The following GUCY1B1 variants were observed in gnomAD, a reference collection of about 807,000 sequenced individuals.
GUCY1B1 encodes the protein guanylate cyclase soluble subunit beta-1.
GUCY1B1 carries 43 observed loss-of-function variants against 71.0 expected under a neutral mutation model. The ratio of observed to expected loss-of-function variants is 0.61; its 90% CI spans 0.47 to 0.78. The LOEUF (loss-of-function observed/expected upper bound fraction) is 0.78. GUCY1B1 is among the 30% of genes least tolerant of loss of function. GUCY1B1 has a pLI of 0.00. For synonymous variants in GUCY1B1, 266 were observed against 259.7 expected, an observed-to-expected ratio of 1.02 and a Z score of -0.23; for missense variants, 535 against 754.1, an observed-to-expected ratio of 0.71 and a Z score of 3.40.
rs542487122 is a variant in GUCY1B1, at chr4:155,806,309, A to G, written c.1837-77A>G. 9 of 902,652 alleles carry G rather than the reference A, an allele frequency of 1.0e-5. No individual in the cohort carries two copies. In the African/African-American group the frequency reaches 1.5e-4, roughly 15 times the overall value. 55.9% of individuals were successfully genotyped at this position (902,652 alleles called of 1,614,324 possible). ...GAACGTGGATCACACTCTCATAAAG[A>G]GAAAAATATATTTAATTGATATTAT... On this transcript the variant is annotated intron_variant, in intron 13 of 13. Coordinates refer to ENST00000264424, the MANE Select transcript of GUCY1B1 (RefSeq NM_000857.5).
chr4:155,795,439 T>A lies in GUCY1B1; in HGVS notation c.825T>A (p.Val275=), dbSNP rs1439537079. ...FHGILSHINT[V]FVLRSKEGLL... ...GGATCCTTTCTCACATCAATACTGT[T>A]TTTGTATTGAGAAGCAAGGTAATCA... is the stretch of plus-strand genomic sequence containing the variant. Residue 275 remains valine, a synonymous_variant, in exon 7 of 14, where the codon GTT becomes GTA. Coordinates refer to ENST00000264424, the MANE Select transcript of GUCY1B1 (RefSeq NM_000857.5). 1 of 1,503,872 alleles carries A rather than the reference T, an allele frequency of 6.6e-7. No individual in the cohort carries two copies. The highest frequency in any genetic ancestry group is 1.1e-5 in the South Asian group (1 of 88,364). 93.2% of individuals were successfully genotyped at this position (1,503,872 alleles called of 1,614,324 possible).
chr4:155,801,107 A>G, intron 9 of GUCY1B1, among the ~76,000 whole-genome samples: 1 of 152,204 alleles, frequency 6.6e-6, no homozygotes, highest in East Asian at 1.9e-4. Context: ...CTAAATTGTC[A>G]GCTTAAGCAG....
rs186785458 is a variant in GUCY1B1, at chr4:155,791,848, T to C, written c.495+1937T>C. On this transcript the variant is annotated intron_variant, in intron 5 of 13. Transcript: ENST00000264424. ...TTGTATGCACTGTTGGTTTTATTTTTATTTAACCAGACTGAGAAAGAGGTA... is the reference window on the plus strand; with the variant it reads ...TTGTATGCACTGTTGGTTTTATTTTCATTTAACCAGACTGAGAAAGAGGTA... Among the ~76,000 whole-genome samples the C allele has an allele frequency of 4.9e-3, 752 of 152,206 alleles. 6 individuals carry two copies. Among genetic ancestry groups the C allele is most frequent in the Non-Finnish European group, 5.9e-3 (404 of 68,006 alleles).
At chr4:155,759,220 A>G in intron 1 of GUCY1B1, 77 bp downstream of exon 1, 2 of 1,442,418 alleles carry the variant, frequency 1.4e-6, no homozygotes, top group Non-Finnish European at 1.9e-6. Context: ...CTGGCCGCGC[A>G]GCCGGAGCTT....
intron 10 of GUCY1B1, 61 bp from the exon 11 acceptor site, chr4:155,803,563 G>A (rs1740101317): frequency 3.4e-6 from 4 of 1,177,314 alleles, no homozygotes; most frequent in Non-Finnish European, 4.5e-6. Context: ...TTTTGTTAGG[G>A]TAATAAATGA....
chr4:155,759,679 G>A, intron 1 of GUCY1B1, 108 bp from the exon 2 acceptor site: 1 of 734,200 alleles, frequency 1.4e-6, no homozygotes, highest in Non-Finnish European at 2.3e-6. Flanking sequence ...CAGGGGCGGG[G>A]TGAAAGGTTA....
intron 3 of GUCY1B1, among the ~76,000 whole-genome samples, chr4:155,775,736 T>G (rs1737999887): frequency 6.6e-6 from 1 of 152,246 alleles, no homozygotes; most frequent in Non-Finnish European, 1.5e-5. Flanking sequence ...ATCTCTTTTG[T>G]AGTCACAAGT....
intron 5 of GUCY1B1, among the ~76,000 whole-genome samples, chr4:155,791,349 T>A (rs2111116916): frequency 6.7e-6 from 1 of 149,434 alleles, no homozygotes; most frequent in African/African-American, 2.5e-5. Flanking sequence ...TCTCCTGACC[T>A]CATGATCCGC....
At chr4:155,770,799 G>C (rs1737644618) in intron 2 of GUCY1B1, among the ~76,000 whole-genome samples, 1 of 132,786 alleles carries the variant, frequency 7.5e-6, no homozygotes, top group African/African-American at 2.8e-5. Context: ...AGCCTACCAT[G>C]AACACCTATG....
Position 155,805,210 on chromosome 4 carries a change from G to T in GUCY1B1, c.1817G>T (p.Arg606Ile). ...CCAATGCAAGTTTGGTTTCTATCCA[G>T]AAAAAATACAGGAACAGAGGTATGA... ...KEPMQVWFLSRKNTGTEETKQ... is the reference protein window; with the variant it reads ...KEPMQVWFLSIKNTGTEETKQ... The change falls in exon 13 of 14, where the codon AGA (arginine) becomes ATA (isoleucine). Residue 606 changes from arginine to isoleucine, a missense_variant. By Grantham distance (97) the Arg-to-Ile change is moderately conservative (BLOSUM62 -3). Coordinates refer to ENST00000264424, the MANE Select transcript of GUCY1B1 (RefSeq NM_000857.5). 1 of 1,610,106 alleles carries T rather than the reference G, an allele frequency of 6.2e-7. No individual in the cohort carries two copies. Among genetic ancestry groups the T allele is most frequent in the Non-Finnish European group, 8.5e-7 (1 of 1,177,776 alleles).
intron 5 of GUCY1B1, 80 bp from the exon 6 acceptor site, chr4:155,793,776 A>T: frequency 2.9e-6 from 2 of 684,264 alleles, no homozygotes. Flanking sequence ...TGCAGTATTC[A>T]TAACTCATTT....
At chr4:155,771,756 C>T (rs1480582495) in intron 2 of GUCY1B1, among the ~76,000 whole-genome samples, 1 of 152,098 alleles carries the variant, frequency 6.6e-6, no homozygotes, top group Non-Finnish European at 1.5e-5. Context: ...ATATTCATAA[C>T]ATTTTTTATA....
intron 9 of GUCY1B1, 93 bp downstream of exon 9, chr4:155,800,167 G>T: frequency 1.4e-6 from 1 of 728,990 alleles, no homozygotes. Context: ...AAAGCCATGT[G>T]ACCTGTAATA....
At chr4:155,774,122 C>T (rs779452753) in intron 2 of GUCY1B1, among the ~76,000 whole-genome samples, 6 of 152,202 alleles carry the variant, frequency 3.9e-5, no homozygotes, top group Admixed American at 6.5e-5. Flanking sequence ...TATCACCACT[C>T]ATGTCACAAG....
At chr4:155,782,209 G>A (rs1738479126) in intron 4 of GUCY1B1, among the ~76,000 whole-genome samples, 1 of 152,092 alleles carries the variant, frequency 6.6e-6, no homozygotes. Context: ...CCGAGTAGCT[G>A]GGACTACAGG....
intron 13 of GUCY1B1, among the ~76,000 whole-genome samples, chr4:155,805,584 T>C (rs1007623247): frequency 6.6e-6 from 1 of 152,106 alleles, no homozygotes; most frequent in Non-Finnish European, 1.5e-5. Flanking sequence ...GCTCTCTAAG[T>C]TGGCTCTGAG....
chr4:155,805,081 C>G (rs775531215), intron 12 of GUCY1B1, 22 bp from the exon 13 acceptor site: 1 of 1,603,870 alleles, frequency 6.2e-7, no homozygotes. Context: ...TCTCTCTCTA[C>G]TCCCCTTCCC....
chr4:155,798,698 C>A (rs1209208491), intron 8 of GUCY1B1, among the ~76,000 whole-genome samples: 1 of 152,026 alleles, frequency 6.6e-6, no homozygotes, highest in Non-Finnish European at 1.5e-5. Flanking sequence ...TTATTAATCC[C>A]AGATTCTCCA....
intron 6 of GUCY1B1, among the ~76,000 whole-genome samples, 169 bp downstream of exon 6, chr4:155,794,255 C>A (rs1739387410): frequency 6.6e-6 from 1 of 152,102 alleles, no homozygotes; most frequent in Non-Finnish European, 1.5e-5. Context: ...TTTGAGCATA[C>A]CACAACTTTC....
Sources: allele counts gnomAD v4.1 joint callset (sites outside exome capture counted in the v4.1 genomes callset), GRCh38; gene constraint gnomAD v4.1.1; transcripts MANE v1.5; gene names NCBI Gene and HGNC (gene_info 2026-07-23, HGNC 2026-07-21).